Variants in MCTP1 observed in about 807,000 individuals in gnomAD.
MCTP1 encodes the protein multiple C2 and transmembrane domain containing 1.
In MCTP1, 69 loss-of-function variants were observed where a neutral mutation model predicts 120.6. The observed-to-expected ratio is 0.57, with a 90% CI of 0.47 to 0.70. The LOEUF (loss-of-function observed/expected upper bound fraction) is 0.70. Ranked by LOEUF, MCTP1 falls within the 30% of genes least tolerant of loss-of-function variation. MCTP1 has a pLI of 0.00. For synonymous variants in MCTP1, 529 were observed against 493.1 expected, an observed-to-expected ratio of 1.07 and a Z score of -0.96; for missense variants, 1,203 against 1,248.8, an observed-to-expected ratio of 0.96 and a Z score of 0.55.
At chr5:95,135,193 T>C (rs1034340556) in intron 1 of MCTP1, among the ~76,000 whole-genome samples, 1 of 152,076 alleles carries the variant, frequency 6.6e-6, no homozygotes, top group Non-Finnish European at 1.5e-5. Flanking sequence ...AGACAGATTC[T>C]ATAACTCTGG....
chr5:95,249,145 A>G (rs1184640657), intron 1 of MCTP1, among the ~76,000 whole-genome samples: 1 of 152,218 alleles, frequency 6.6e-6, no homozygotes, highest in East Asian at 1.9e-4. Context: ...TGGCAACAAA[A>G]GCCAAAATAG....
intron 1 of MCTP1, among the ~76,000 whole-genome samples, chr5:95,143,411 G>A (rs1760104629): frequency 6.6e-6 from 1 of 152,070 alleles, no homozygotes; most frequent in Non-Finnish European, 1.5e-5. Context: ...GCTGATTTAA[G>A]CAGTGTTTAA....
chr5:95,233,079 A>G (rs900622038), intron 1 of MCTP1, among the ~76,000 whole-genome samples: 33 of 152,250 alleles, frequency 2.2e-4, no homozygotes, highest in Admixed American at 2.0e-3. Flanking sequence ...CAGTAAAAGT[A>G]TAGAAGGCTT....
At chr5:94,774,881 A>G (rs1005881352) in intron 19 of MCTP1, among the ~76,000 whole-genome samples, 1 of 152,206 alleles carries the variant, frequency 6.6e-6, no homozygotes, top group Non-Finnish European at 1.5e-5. Context: ...GAATATAACT[A>G]GAAAATGCCA....
intron 2 of MCTP1, among the ~76,000 whole-genome samples, chr5:95,005,218 T>C (rs1834474829): frequency 6.6e-6 from 1 of 152,202 alleles, no homozygotes; most frequent in Non-Finnish European, 1.5e-5. Context: ...ATGGGAGCAT[T>C]TACCCAATGT....
chr5:95,091,469 G>A (rs960980009), intron 1 of MCTP1, among the ~76,000 whole-genome samples: 2 of 152,162 alleles, frequency 1.3e-5, no homozygotes, highest in Admixed American at 1.3e-4. Flanking sequence ...GTATGACAGA[G>A]GTGATGCCAT....
intron 2 of MCTP1, among the ~76,000 whole-genome samples, chr5:95,016,478 C>T (rs1837132123): frequency 6.6e-6 from 1 of 152,050 alleles, no homozygotes; most frequent in East Asian, 1.9e-4. Flanking sequence ...CTGGTTCCTT[C>T]TATTCCCTAA....
At chr5:95,203,150 A>AAT (rs1333466679) in intron 1 of MCTP1, among the ~76,000 whole-genome samples, 2 of 152,224 alleles carry the variant, frequency 1.3e-5, no homozygotes, top group Non-Finnish European at 2.9e-5. Flanking sequence ...CTGACTGAAC[A>AAT]ATAATTCTGA....
At chr5:94,995,304 T>C (rs1001925569) in intron 2 of MCTP1, among the ~76,000 whole-genome samples, 5 of 152,330 alleles carry the variant, frequency 3.3e-5, no homozygotes, top group Admixed American at 2.6e-4. Flanking sequence ...TCAGTAGGTC[T>C]GGGATGGGGC....
chr5:94,824,881 A>T (rs1403405390), intron 17 of MCTP1, among the ~76,000 whole-genome samples: 1 of 152,038 alleles, frequency 6.6e-6, no homozygotes. Context: ...ATCAGTGGTG[A>T]TATTCCCTTT....
intron 12 of MCTP1, among the ~76,000 whole-genome samples, chr5:94,884,258 G>A (rs1800755978): frequency 6.6e-6 from 1 of 152,170 alleles, no homozygotes; most frequent in Non-Finnish European, 1.5e-5. Context: ...ACGCAATTCT[G>A]TGAGAAAGTA....
intron 18 of MCTP1, among the ~76,000 whole-genome samples, chr5:94,797,524 C>T (rs528081648): frequency 3.9e-5 from 6 of 152,260 alleles, no homozygotes; most frequent in Admixed American, 1.3e-4. Flanking sequence ...ATGACACCAA[C>T]GCTTATAGCA....
At chr5:94,721,002 G>A (rs1021050521) in intron 19 of MCTP1, among the ~76,000 whole-genome samples, 1 of 152,104 alleles carries the variant, frequency 6.6e-6, no homozygotes, top group Non-Finnish European at 1.5e-5. Flanking sequence ...ACAATGCCTG[G>A]CTAACTCCAG....
At position 95,284,605 on chromosome 5, in the gene MCTP1, C is replaced by T. The variant is rs760941421; in HGVS notation, c.-30G>A. 4.7e-4 allele frequency: 619 copies of T among 1,324,592 alleles called. 1 individual carries two copies. The highest frequency in any genetic ancestry group is 5.6e-4 in the Non-Finnish European group (578 of 1,025,372). 82.1% of individuals were successfully genotyped at this position (1,324,592 alleles called of 1,614,324 possible). A position where few individuals can be genotyped will look rare whatever the true frequency, so the allele number is the denominator to read the frequency against. Reference sequence around the variant, plus strand: ...CACCCCCTGCTCCTCCTCTCCCCTCCTCCTCCTCCTCCTCCTCCTGCTTCT... The same window carrying T: ...CACCCCCTGCTCCTCCTCTCCCCTCTTCCTCCTCCTCCTCCTCCTGCTTCT... On this transcript the variant is annotated 5_prime_UTR_variant, in exon 1 of 23. Coordinates refer to ENST00000515393, the MANE Select transcript of MCTP1 (RefSeq NM_024717.7). The surrounding 1 kb of genome is among the most constrained non-coding windows in gnomAD (Gnocchi z 5.2).
intron 3 of MCTP1, among the ~76,000 whole-genome samples, chr5:94,943,266 C>T (rs1293532977): frequency 6.6e-6 from 1 of 151,816 alleles, no homozygotes; most frequent in Admixed American, 6.6e-5. Flanking sequence ...GTGTAGACAC[C>T]CAAATAATGG....
At chr5:95,283,825 C>G in intron 1 of MCTP1, 31 bp downstream of exon 1, 1 of 1,259,672 alleles carries the variant, frequency 7.9e-7, no homozygotes, top group Non-Finnish European at 9.8e-7. Context: ...GTCCCGCGCA[C>G]CTTGTCTCCG....
At chr5:94,817,964 G>C (rs79079137) in intron 17 of MCTP1, among the ~76,000 whole-genome samples, 1 of 152,006 alleles carries the variant, frequency 6.6e-6, no homozygotes, top group African/African-American at 2.4e-5. Flanking sequence ...ACCCAGACCT[G>C]GTCAAAAAGA....
At chr5:94,928,979 A>G (rs979453564) in intron 6 of MCTP1, among the ~76,000 whole-genome samples, 4 of 152,168 alleles carry the variant, frequency 2.6e-5, no homozygotes, top group Non-Finnish European at 5.9e-5. Flanking sequence ...TTCCATTGAA[A>G]GAGCCTATTA....
At chr5:95,078,108 C>T (rs1312282449) in intron 1 of MCTP1, among the ~76,000 whole-genome samples, 2 of 151,236 alleles carry the variant, frequency 1.3e-5, no homozygotes, top group Non-Finnish European at 2.9e-5. Context: ...TTGAAAGTTA[C>T]CCAAGAATTT....
Sources: allele counts gnomAD v4.1 joint callset (sites outside exome capture counted in the v4.1 genomes callset), GRCh38; gene constraint gnomAD v4.1.1; non-coding constraint Gnocchi (gnomAD v3.1); transcripts MANE v1.5; gene names NCBI Gene and HGNC (gene_info 2026-07-23, HGNC 2026-07-21).